CCDC148: variants seen among roughly 807,000 people sequenced by gnomAD.
The protein encoded by CCDC148 is coiled-coil domain-containing protein 148.
CCDC148 carries 89 observed loss-of-function variants against 85.7 expected under a neutral mutation model. The observed-to-expected ratio is 1.04, with a 90% CI of 0.87 to 1.24. The LOEUF (loss-of-function observed/expected upper bound fraction) is 1.24. CCDC148 is among the 50% of genes most tolerant of loss of function. The pLI, the probability that CCDC148 is intolerant of heterozygous loss-of-function variation, is 0.00. For synonymous variants in CCDC148, 230 were observed against 213.9 expected, an observed-to-expected ratio of 1.08 and a Z score of -0.66; for missense variants, 692 against 671.7, an observed-to-expected ratio of 1.03 and a Z score of -0.33.
At chr2:158,202,323 G>C (rs1686010070) in intron 11 of CCDC148, among the ~76,000 whole-genome samples, 1 of 152,184 alleles carries the variant, frequency 6.6e-6, no homozygotes, top group South Asian at 2.1e-4. Flanking sequence ...ATAAGGCTCT[G>C]AGTGTTATAC....
intron 11 of CCDC148, among the ~76,000 whole-genome samples, chr2:158,186,135 T>C (rs756493929): frequency 5.3e-5 from 8 of 152,102 alleles, no homozygotes; most frequent in Non-Finnish European, 8.8e-5. Flanking sequence ...GTTGTACACA[T>C]TGACTTTGGG....
chr2:158,239,577 A>G lies in CCDC148; in HGVS notation c.1251+11195T>C, dbSNP rs773836964. Among the ~76,000 whole-genome samples, 4 of 143,286 alleles carry G rather than the reference A, an allele frequency of 2.8e-5. No homozygotes were observed. In the South Asian group the frequency reaches 9.7e-4, roughly 35 times the overall value. 94.0% of individuals were successfully genotyped at this position (143,286 alleles called of 152,430 possible). A position where few individuals can be genotyped will look rare whatever the true frequency, so the allele number is the denominator to read the frequency against. The stretch of plus-strand genomic sequence containing the variant: ...ATGTTAGAAGGTTAATTTAATTTAA[A>G]TTAATAAGGTTGATTTAAATTAATA... On this transcript the variant is annotated intron_variant, in intron 10 of 13. Transcript: ENST00000283233.
At chr2:158,227,531 G>A (rs1411451953) in intron 10 of CCDC148, among the ~76,000 whole-genome samples, 6 of 152,110 alleles carry the variant, frequency 3.9e-5, no homozygotes, top group Admixed American at 3.9e-4. Context: ...AAAGCTGGAG[G>A]CATCACGCTA....
intron 11 of CCDC148, among the ~76,000 whole-genome samples, chr2:158,200,727 A>G (rs1395112033): frequency 6.6e-6 from 1 of 152,150 alleles, no homozygotes; most frequent in Non-Finnish European, 1.5e-5. Context: ...TGGTTAAGGT[A>G]GCGATAGTCA....
chr2:158,239,646 A>G (rs1031592738), intron 10 of CCDC148, among the ~76,000 whole-genome samples: 2 of 152,148 alleles, frequency 1.3e-5, no homozygotes, highest in Non-Finnish European at 1.5e-5. Flanking sequence ...TTTTAATAAC[A>G]AAACAAGGAA....
Position 158,452,617 on chromosome 2 carries a change from C to G in CCDC148, c.25+3798G>C, listed in dbSNP as rs183836081. Among the ~76,000 whole-genome samples the G allele has an allele frequency of 9.4e-4, 142 of 151,706 alleles. 1 individual carries two copies. Among genetic ancestry groups the G allele is most frequent in the African/African-American group, 3.3e-3 (134 of 41,018 alleles). On this transcript the variant is annotated intron_variant, in intron 1 of 13. Transcript: ENST00000283233. ...AGCTGCTCTCTCTGGTTCTCTTGTT[C>G]TCTTAATTTCAAATTCCCTGGAAAA... is the stretch of plus-strand genomic sequence containing the variant.
intron 11 of CCDC148, among the ~76,000 whole-genome samples, chr2:158,207,980 C>T (rs1433645067): frequency 6.6e-6 from 1 of 151,702 alleles, no homozygotes; most frequent in Non-Finnish European, 1.5e-5. Context: ...CACACACACA[C>T]ACACACTTTC....
chr2:158,267,741 T>A (rs1689531127), intron 9 of CCDC148, among the ~76,000 whole-genome samples: 1 of 152,216 alleles, frequency 6.6e-6, no homozygotes, highest in African/African-American at 2.4e-5. Flanking sequence ...CTGCCTTTTC[T>A]CCCGGACTGG....
intron 9 of CCDC148, among the ~76,000 whole-genome samples, chr2:158,297,703 A>C (rs191168815): frequency 6.6e-6 from 1 of 152,184 alleles, no homozygotes; most frequent in Non-Finnish European, 1.5e-5. Flanking sequence ...GCAGAGAAGC[A>C]AGCTCTAGAC....
rs567774868 is a variant in CCDC148, at chr2:158,280,307, C to T, written c.1110+29126G>A. On this transcript the variant is annotated intron_variant, in intron 9 of 13. Coordinates refer to ENST00000283233, the MANE Select transcript of CCDC148 (RefSeq NM_138803.4). ...GCTTTAAATGTAAATGGACTAAATG[C>T]TCCAATTAAAAGACACAGACTGGCA... is the stretch of plus-strand genomic sequence containing the variant. Among the ~76,000 whole-genome samples, 1,140 of 152,218 alleles carry T rather than the reference C, an allele frequency of 7.5e-3. 17 individuals are homozygous for T. The highest frequency in any genetic ancestry group is 0.026 in the African/African-American group (1,096 of 41,524).
rs200414294 is a variant in CCDC148, at chr2:158,383,143, T to TA, written c.26-24574dup. Among the ~76,000 whole-genome samples, 532 of 149,768 alleles carry TA rather than the reference T, an allele frequency of 3.6e-3. 3 individuals are homozygous for TA. Among genetic ancestry groups the TA allele is most frequent in the Middle Eastern group, 0.011 (3 of 284 alleles). On this transcript the variant is annotated intron_variant, in intron 1 of 13. Transcript: ENST00000283233. ...GGTGAAACCCTGTCTCTACTAAAAA[T>TA]AAAAAAAAATAAAATAAATAAAAAT... is the stretch of plus-strand genomic sequence containing the variant.
intron 11 of CCDC148, among the ~76,000 whole-genome samples, chr2:158,218,193 C>T (rs1319941556): frequency 6.6e-6 from 1 of 152,154 alleles, no homozygotes; most frequent in Non-Finnish European, 1.5e-5. Flanking sequence ...AGCATTTTAA[C>T]ATACGAGTTG....
chr2:158,401,273 C>T (rs564752027), intron 1 of CCDC148, among the ~76,000 whole-genome samples: 1 of 152,218 alleles, frequency 6.6e-6, no homozygotes, highest in Admixed American at 6.5e-5. Flanking sequence ...CAGCACTATT[C>T]ACAATAGCAA....
At position 158,359,996 on chromosome 2, in the gene CCDC148, G is replaced by C. The variant is rs948806622; in HGVS notation, c.26-1426C>G. ...TGATTGAGCTTTTGTGGGGGTAGGC[G>C]CATCTACCATTACTAAGGCTTGAGT... On this transcript the variant is annotated intron_variant, in intron 1 of 13. Coordinates refer to ENST00000283233, the MANE Select transcript of CCDC148 (RefSeq NM_138803.4). Among the ~76,000 whole-genome samples the C allele has an allele frequency of 5.9e-5, 9 of 152,170 alleles. No individual in the cohort carries two copies. In the South Asian group the frequency reaches 1.7e-3, roughly 28 times the overall value.
At chr2:158,287,999 T>A (rs1199811160) in intron 9 of CCDC148, among the ~76,000 whole-genome samples, 1 of 152,216 alleles carries the variant, frequency 6.6e-6, no homozygotes, top group African/African-American at 2.4e-5. Context: ...TTGACCTCTG[T>A]GCACCCGCAG....
chr2:158,236,185 G>T (rs1234949240), intron 10 of CCDC148: 1 of 152,144 alleles, frequency 6.6e-6, no homozygotes, highest in Non-Finnish European at 1.5e-5. Context: ...TGTTTACTTT[G>T]GTCACTTATG....
At chr2:158,331,053 T>G (rs1402698348) in intron 7 of CCDC148, among the ~76,000 whole-genome samples, 2 of 152,212 alleles carry the variant, frequency 1.3e-5, no homozygotes, top group East Asian at 1.9e-4. Context: ...TCTGCTAGCT[T>G]TTGAATGTGT....
chr2:158,240,147 T>A (rs1416340887), intron 10 of CCDC148, among the ~76,000 whole-genome samples: 4 of 149,364 alleles, frequency 2.7e-5, no homozygotes, highest in Non-Finnish European at 6.0e-5. Context: ...GGTGGATGGA[T>A]GTTAGAGCCA....
chr2:158,429,390 T>C lies in CCDC148; in HGVS notation c.25+27025A>G, dbSNP rs141745459. On this transcript the variant is annotated intron_variant, in intron 1 of 13. Transcript: ENST00000283233. ...ATAGATAGATAGATAGATAGATAGA[T>C]AGATAGATAGATAGGAATACTTAGA... Among the ~76,000 whole-genome samples, 746 of 152,022 alleles carry C rather than the reference T, an allele frequency of 4.9e-3. 3 individuals carry two copies. Among genetic ancestry groups the C allele is most frequent in the African/African-American group, 0.017 (711 of 41,446 alleles).
Sources: gnomAD v4.1 joint callset for allele counts (sites outside exome capture counted in the v4.1 genomes callset) on GRCh38, gnomAD v4.1.1 for gene constraint, MANE v1.5 for transcripts, NCBI Gene and HGNC (gene_info 2026-07-23, HGNC 2026-07-21) for gene names.